The following ARID4B variants were observed in gnomAD, a reference collection of about 807,000 sequenced individuals.
ARID4B encodes AT-rich interactive domain-containing protein 4B.
ARID4B carries 26 observed loss-of-function variants against 147.5 expected under a neutral mutation model. The ratio of observed to expected loss-of-function variants is 0.18; its 90% CI spans 0.13 to 0.24. The LOEUF is 0.24. Ranked by LOEUF, ARID4B falls within the 10% of genes least tolerant of loss-of-function variation. ARID4B has a pLI of 1.00. For synonymous variants in ARID4B, 512 were observed against 507.9 expected (o/e 1.01, Z -0.11); for missense variants, 1,179 against 1,511.5 (o/e 0.78, Z 3.65).
rs1237710887 is a variant in ARID4B, at chr1:235,166,924, T to C, written c.*1601A>G. On this transcript the variant is annotated 3_prime_UTR_variant, in exon 24 of 24. Coordinates refer to ENST00000264183, the MANE Select transcript of ARID4B (RefSeq NM_016374.6). ...GGATTCACAAACTATGGCATTTTAT[T>C]TCAGAGCCTTTGCTTACATTTGTAC... 1 of 177,078 alleles carries C rather than the reference T, an allele frequency of 5.6e-6. No individual in the cohort carries two copies. Among genetic ancestry groups the C allele is most frequent in the Admixed American group, 6.3e-5 (1 of 15,798 alleles). The allele number at this position is 177,078 out of a possible 1,614,324, so 11.0% of individuals were successfully genotyped here. A position where few individuals can be genotyped will look rare whatever the true frequency, so the allele number is the denominator to read the frequency against.
chr1:235,190,395 C>T (rs751558362), intron 19 of ARID4B, among the ~76,000 whole-genome samples: 12 of 151,858 alleles, frequency 7.9e-5, no homozygotes, highest in Non-Finnish European at 1.8e-4. Flanking sequence ...CTGCAGTAAG[C>T]CAAAATTGTG....
chr1:235,276,878 T>C (rs566993659), intron 2 of ARID4B, among the ~76,000 whole-genome samples: 51 of 151,500 alleles, frequency 3.4e-4, no homozygotes, highest in Admixed American at 6.6e-4. Context: ...CGGGTGCCTG[T>C]AATCCCAGCT....
intron 2 of ARID4B, among the ~76,000 whole-genome samples, chr1:235,269,651 C>T (rs1201512056): frequency 6.6e-6 from 1 of 151,942 alleles, no homozygotes; most frequent in Non-Finnish European, 1.5e-5. Context: ...TATATACACA[C>T]ATATATATAC....
At chr1:235,226,003 A>T (rs1667804040) in intron 11 of ARID4B, among the ~76,000 whole-genome samples, 1 of 152,224 alleles carries the variant, frequency 6.6e-6, no homozygotes, top group Non-Finnish European at 1.5e-5. Context: ...AAATCTAAGG[A>T]CATCTATTTT....
intron 6 of ARID4B, among the ~76,000 whole-genome samples, chr1:235,250,211 T>C (rs374062315): frequency 1.3e-5 from 2 of 152,140 alleles, no homozygotes; most frequent in East Asian, 1.9e-4. Context: ...GTTTATGAGA[T>C]GGGATTAATT....
At chr1:235,319,535 A>T (rs1447560935) in intron 2 of ARID4B, among the ~76,000 whole-genome samples, 1 of 152,160 alleles carries the variant, frequency 6.6e-6, no homozygotes, top group Admixed American at 6.5e-5. Flanking sequence ...AAAAGGGTGA[A>T]TTTTATGGTA....
Position 235,240,639 on chromosome 1 carries a change from C to T in ARID4B, c.447-188G>A, listed in dbSNP as rs555665605. On this transcript the variant is annotated intron_variant, in intron 7 of 23. Coordinates refer to ENST00000264183, the MANE Select transcript of ARID4B (RefSeq NM_016374.6). ...AAGAGTTTATCATGAGAGGAAAGCA[C>T]ATCATTTTCCCAAAAATATTTCTGG... is the stretch of plus-strand genomic sequence containing the variant. 8.0e-5 allele frequency: 48 copies of T among 601,742 alleles called. No homozygotes were observed. In the East Asian group the frequency reaches 1.3e-3, roughly 17 times the overall value. The allele number at this position is 601,742 out of a possible 1,614,324, so 37.3% of individuals were successfully genotyped here. A position where few individuals can be genotyped will look rare whatever the true frequency, so the allele number is the denominator to read the frequency against.
chr1:235,238,192 AAT>A (rs1176211705), intron 8 of ARID4B, among the ~76,000 whole-genome samples: 8 of 151,950 alleles, frequency 5.3e-5, no homozygotes, highest in African/African-American at 1.9e-4. Flanking sequence ...AAAGTTTATT[AAT>A]CATGAGAACA....
chr1:235,326,949 A>T lies in ARID4B; in HGVS notation c.-30T>A. 1 of 1,613,318 alleles carries T rather than the reference A, an allele frequency of 6.2e-7. No individual in the cohort carries two copies. Among genetic ancestry groups the T allele is most frequent in the African/African-American group, 1.3e-5 (1 of 75,004 alleles). ...ACTCTGGGACCAAGGTATCCTCTAA[A>T]ACACCAGGTTCAGCTGCACCTGGAG... On this transcript the variant is annotated 5_prime_UTR_variant, in exon 2 of 24. Coordinates refer to ENST00000264183, the MANE Select transcript of ARID4B (RefSeq NM_016374.6).
At chr1:235,218,734 T>C (rs1424992678) in intron 16 of ARID4B, among the ~76,000 whole-genome samples, 1 of 152,174 alleles carries the variant, frequency 6.6e-6, no homozygotes, top group Non-Finnish European at 1.5e-5. Flanking sequence ...ACTTCAAATA[T>C]ATATTTTTAT....
At chr1:235,296,833 G>GA (rs1672762829) in intron 2 of ARID4B, among the ~76,000 whole-genome samples, 2 of 118,878 alleles carry the variant, frequency 1.7e-5, no homozygotes, top group South Asian at 3.1e-4. Flanking sequence ...AAGGAAGGAA[G>GA]GAAGGGAGGA....
intron 20 of ARID4B, among the ~76,000 whole-genome samples, chr1:235,179,715 T>G (rs988514113): frequency 2.0e-5 from 3 of 151,850 alleles, no homozygotes; most frequent in African/African-American, 7.3e-5. Flanking sequence ...TCTTTTTTTT[T>G]GTTGTTAATT....
intron 17 of ARID4B, among the ~76,000 whole-genome samples, chr1:235,212,594 A>C (rs1334720345): frequency 6.6e-6 from 1 of 152,240 alleles, no homozygotes; most frequent in South Asian, 2.1e-4. Flanking sequence ...CAGGACAACA[A>C]AAAATTTAAG....
chr1:235,258,996 T>G (rs776309374), intron 3 of ARID4B, among the ~76,000 whole-genome samples: 2 of 152,232 alleles, frequency 1.3e-5, no homozygotes, highest in Admixed American at 1.3e-4. Context: ...AAAAAATATA[T>G]CCCTATATCT....
chr1:235,186,328 C>G (rs1664680803), intron 19 of ARID4B, among the ~76,000 whole-genome samples: 1 of 152,032 alleles, frequency 6.6e-6, no homozygotes, highest in Non-Finnish European at 1.5e-5. Context: ...CCTATCTTTT[C>G]TCTAAAATTT....
At chr1:235,183,790 TTC>T (rs923232580) in intron 19 of ARID4B, among the ~76,000 whole-genome samples, 5 of 151,590 alleles carry the variant, frequency 3.3e-5, no homozygotes, top group African/African-American at 9.7e-5. Context: ...CTTTCTTTAT[TTC>T]TCTCTCTCTC....
intron 2 of ARID4B, among the ~76,000 whole-genome samples, chr1:235,267,275 C>CA (rs1670665363): frequency 6.6e-6 from 1 of 151,746 alleles, no homozygotes; most frequent in Non-Finnish European, 1.5e-5. Flanking sequence ...AAGGCTCTGT[C>CA]AAAAAACAAA....
rs557624759 is a variant in ARID4B, at chr1:235,295,492, G to A, written c.6+31422C>T. On this transcript the variant is annotated intron_variant, in intron 2 of 23. Transcript: ENST00000264183. Reference sequence around the variant, plus strand: ...GCCACTGCACTCTAGCCTGCGGGGGGACAAAGCAAGACTCCATCTCAATTT... The same window carrying A: ...GCCACTGCACTCTAGCCTGCGGGGGAACAAAGCAAGACTCCATCTCAATTT... 2.9e-5 allele frequency among the ~76,000 whole-genome samples: 4 copies of A among 138,456 alleles called. No homozygotes were observed. In the South Asian group the frequency reaches 6.9e-4, roughly 24 times the overall value. The allele number at this position is 138,456 out of a possible 152,430, so 90.8% of individuals were successfully genotyped here. A position where few individuals can be genotyped will look rare whatever the true frequency, so the allele number is the denominator to read the frequency against.
intron 17 of ARID4B, among the ~76,000 whole-genome samples, chr1:235,204,099 G>A (rs548106611): frequency 2.6e-5 from 4 of 152,198 alleles, no homozygotes; most frequent in South Asian, 2.1e-4. Flanking sequence ...CAAGGCAGGC[G>A]GATCATGACG....
Sources: allele counts gnomAD v4.1 joint callset (sites outside exome capture counted in the v4.1 genomes callset), GRCh38; gene constraint gnomAD v4.1.1; transcripts MANE v1.5; gene names NCBI Gene and HGNC (gene_info 2026-07-23, HGNC 2026-07-21).